Variants in RANBP2 observed in about 807,000 individuals in gnomAD.
RANBP2 encodes E3 SUMO-protein ligase RanBP2.
A neutral mutation model predicts 303.6 loss-of-function variants in RANBP2; 57 were observed. The ratio of observed to expected loss-of-function variants is 0.19; its 90% CI spans 0.15 to 0.23. RANBP2 has a LOEUF of 0.23. RANBP2 is among the 10% of genes least tolerant of loss of function. RANBP2 has a pLI of 1.00. For missense variants in RANBP2, 3,138 were observed against 3,780.8 expected (o/e 0.83, Z 4.46); for synonymous variants, 1,167 against 1,301.5 (o/e 0.90, Z 2.23).
the RANBP2 span, among the ~76,000 whole-genome samples, chr2:109,013,681 G>C: frequency 6.6e-6 from 1 of 151,606 alleles, no homozygotes; most frequent in Non-Finnish European, 1.5e-5. Flanking sequence ...CTGGGCTCAA[G>C]CAATTCTCCT....
At chr2:109,533,395 TC>T in the RANBP2 span, among the ~76,000 whole-genome samples, 1 of 152,200 alleles carries the variant, frequency 6.6e-6, no homozygotes, top group Non-Finnish European at 1.5e-5. Flanking sequence ...ACGCTTTGTT[TC>T]TGTTAGAAAA....
chr2:109,588,887 A>G, the RANBP2 span, among the ~76,000 whole-genome samples: 2 of 151,884 alleles, frequency 1.3e-5, no homozygotes, highest in South Asian at 4.2e-4. Flanking sequence ...GGTATAGCTA[A>G]TAAGCCAAAA....
At chr2:108,818,176 C>T in the RANBP2 span, among the ~76,000 whole-genome samples, 2 of 152,006 alleles carry the variant, frequency 1.3e-5, no homozygotes, top group African/African-American at 4.8e-5. Flanking sequence ...CCTGGTGGCA[C>T]GCGCCTATAA....
the RANBP2 span, among the ~76,000 whole-genome samples, chr2:109,411,048 G>C: frequency 1.3e-5 from 2 of 152,220 alleles, no homozygotes; most frequent in African/African-American, 4.8e-5. Context: ...AATCAAAGCA[G>C]CATCAGAGAG....
chr2:108,984,438 C>G, the RANBP2 span, among the ~76,000 whole-genome samples: 4 of 152,242 alleles, frequency 2.6e-5, no homozygotes, highest in South Asian at 8.3e-4. Flanking sequence ...CCCCTTGCCA[C>G]GGCCCGCTCA....
chr2:109,615,972 C>T, the RANBP2 span: 1 of 1,573,850 alleles, frequency 6.4e-7, no homozygotes, highest in Admixed American at 1.8e-5. Flanking sequence ...AGAGCAGCCG[C>T]TGGAGGGCAG....
the RANBP2 span, among the ~76,000 whole-genome samples, chr2:109,402,157 A>C: frequency 6.6e-6 from 1 of 152,188 alleles, no homozygotes. Context: ...GTGCCCAGAG[A>C]CCAAGCCCTC....
At chr2:109,321,789 T>G in the RANBP2 span, among the ~76,000 whole-genome samples, 4 of 152,224 alleles carry the variant, frequency 2.6e-5, no homozygotes, top group Admixed American at 2.6e-4. Flanking sequence ...GAGAGATGTG[T>G]TCGCGAGGGA....
At chr2:109,494,588 C>T in the RANBP2 span, among the ~76,000 whole-genome samples, 554 of 152,258 alleles carry the variant, frequency 3.6e-3, 4 homozygotes, top group African/African-American at 0.013. Context: ...TGCTGGGCTG[C>T]GCCCTGTGCA....
chr2:109,395,569 A>C, the RANBP2 span, among the ~76,000 whole-genome samples: 2 of 152,072 alleles, frequency 1.3e-5, no homozygotes, highest in Non-Finnish European at 2.9e-5. Context: ...TTTTGCCTTC[A>C]CTTTCAGCAC....
the RANBP2 span, among the ~76,000 whole-genome samples, chr2:109,643,931 A>T: frequency 9.3e-5 from 14 of 151,286 alleles, no homozygotes; most frequent in Admixed American, 2.0e-4. Context: ...GACCAGCATG[A>T]CCAACATGGT....
At position 108,771,834 on chromosome 2, in the gene RANBP2, G is replaced by A. The variant is rs1424541170; in HGVS notation, c.7983G>A (p.Lys2661=). ...LKLPPTFFCY[K]NRPDYVSEEE... is the part of the protein sequence containing the mutation. Reference sequence around the variant, plus strand: ...TTCCTCCAACTTTCTTCTGCTACAAGAATAGACCAGATTATGTTAGTGAAG... The same window carrying A: ...TTCCTCCAACTTTCTTCTGCTACAAAAATAGACCAGATTATGTTAGTGAAG... The change falls in exon 21 of 29, where the codon AAG becomes AAA. Residue 2661 remains lysine, a synonymous_variant. Coordinates refer to ENST00000283195, the MANE Select transcript of RANBP2 (RefSeq NM_006267.5). 5.6e-6 allele frequency: 9 copies of A among 1,613,890 alleles called. No homozygotes were observed. The highest frequency in any genetic ancestry group is 6.8e-6 in the Non-Finnish European group (8 of 1,179,954).
the RANBP2 span, among the ~76,000 whole-genome samples, chr2:109,141,139 A>AC: frequency 4.0e-5 from 6 of 151,490 alleles, no homozygotes; most frequent in Non-Finnish European, 5.9e-5. Flanking sequence ...ATGCAACCAC[A>AC]CCCCCCGGAG....
At chr2:108,922,957 T>A in the RANBP2 span, among the ~76,000 whole-genome samples, 1 of 152,236 alleles carries the variant, frequency 6.6e-6, no homozygotes, top group Non-Finnish European at 1.5e-5. Flanking sequence ...CACATTTATA[T>A]TTTCCTTGGC....
At chr2:109,206,446 G>T in the RANBP2 span, among the ~76,000 whole-genome samples, 1 of 139,036 alleles carries the variant, frequency 7.2e-6, no homozygotes, top group African/African-American at 2.7e-5. Context: ...AACCAACATC[G>T]TGCCACCGCA....
At chr2:108,882,187 T>G in the RANBP2 span, 1 of 152,116 alleles carries the variant, frequency 6.6e-6, no homozygotes, top group African/African-American at 2.4e-5. Flanking sequence ...GATTACTGAT[T>G]ACAGATCACC....
At chr2:109,347,264 G>A in the RANBP2 span, among the ~76,000 whole-genome samples, 1 of 152,154 alleles carries the variant, frequency 6.6e-6, no homozygotes, top group Non-Finnish European at 1.5e-5. Flanking sequence ...GAAATTCCGA[G>A]CCCAGACCTC....
the RANBP2 span, among the ~76,000 whole-genome samples, chr2:109,338,715 GC>G: frequency 6.6e-6 from 1 of 152,038 alleles, no homozygotes; most frequent in African/African-American, 2.4e-5. Context: ...GCGCCACCAC[GC>G]CCGACTAATT....
chr2:109,193,859 T>C, the RANBP2 span, among the ~76,000 whole-genome samples: 220 of 152,282 alleles, frequency 1.4e-3, 1 homozygote, highest in African/African-American at 4.5e-3. Context: ...GCCCCGGGGA[T>C]GGGTTTTCTG....
Sources: allele counts gnomAD v4.1 joint callset (sites outside exome capture counted in the v4.1 genomes callset), GRCh38; gene constraint gnomAD v4.1.1; transcripts MANE v1.5; gene names NCBI Gene and HGNC (gene_info 2026-07-23, HGNC 2026-07-21).